PIGQ: variants seen among roughly 807,000 people sequenced by gnomAD.
PIGQ encodes phosphatidylinositol N-acetylglucosaminyltransferase subunit Q.
In PIGQ, 54 loss-of-function variants were observed where a neutral mutation model predicts 60.3. That is an observed-to-expected ratio of 0.90 (90% CI 0.72 to 1.12). The LOEUF (loss-of-function observed/expected upper bound fraction) is 1.12. Among genes scored for constraint, PIGQ ranks in the 50% most tolerant of loss-of-function variants. PIGQ has a pLI of 0.00. For missense variants in PIGQ, 799 were observed against 793.5 expected (o/e 1.01, Z -0.08); for synonymous variants, 416 against 363.7 (o/e 1.14, Z -1.64).
chr16:575,511 C>G (rs1357043801), intron 2 of PIGQ, among the ~76,000 whole-genome samples: 1 of 152,212 alleles, frequency 6.6e-6, no homozygotes, highest in African/African-American at 2.4e-5. Context: ...TTTCTGGGCC[C>G]TGTCGGCGGG....
At position 574,168 on chromosome 16, in the gene PIGQ, G is replaced by C. The variant is rs770988293; in HGVS notation, c.94G>C (p.Val32Leu). ...GGTGCCGGAGCAGAGCAGCGCCGTG[G>C]TCCTGGCGGTCCTGCACTTTCCCTT... ...RWVPEQSSAVVLAVLHFPFIP... is the reference protein window; with the variant it reads ...RWVPEQSSAVLLAVLHFPFIP... Residue 32 changes from valine to leucine, a missense_variant, in exon 2 of 11, where the codon GTC (valine) becomes CTC (leucine). Coordinates refer to ENST00000321878, the MANE Select transcript of PIGQ (RefSeq NM_004204.5). 7.4e-6 allele frequency: 12 copies of C among 1,612,432 alleles called. No individual in the cohort carries two copies. In the South Asian group the frequency reaches 7.7e-5, roughly 10 times the overall value.
chr16:578,706 T>C (rs1208386268), intron 5 of PIGQ, 79 bp from the exon 6 acceptor site: 10 of 1,524,526 alleles, frequency 6.6e-6, no homozygotes, highest in African/African-American at 4.1e-5. Context: ...ACGCACCTCA[T>C]GTCCTGTGTG....
chr16:576,602 C>T lies in PIGQ; in HGVS notation c.942+348C>T, dbSNP rs2035723230. On this transcript the variant is annotated intron_variant, in intron 4 of 10. Transcript: ENST00000321878. ...TGCCCTCCTGGCTCTCTGGGGCCCT[C>T]TGCAGAGCCAGGGTCATGAAACCTT... The T allele has an allele frequency of 6.1e-6, 3 of 489,252 alleles. No individual in the cohort carries two copies. The South Asian group carries it at 1.3e-4, about 21-fold the overall frequency. The allele number at this position is 489,252 out of a possible 1,614,324, so 30.3% of individuals were successfully genotyped here.
intron 1 of PIGQ, among the ~76,000 whole-genome samples, chr16:573,025 C>T (rs555582567): frequency 1.3e-5 from 2 of 152,354 alleles, no homozygotes; most frequent in East Asian, 3.9e-4. Flanking sequence ...GTAGTGCCCC[C>T]ACCGCTAGGG....
At chr16:580,371 C>A in intron 8 of PIGQ, 108 bp downstream of exon 8, 1 of 813,194 alleles carries the variant, frequency 1.2e-6, no homozygotes, top group Non-Finnish European at 2.0e-6. Flanking sequence ...CTGCTGCAGG[C>A]CACGTGGGTG....
In PIGQ at chr16:574,508, C is replaced by T; in HGVS notation, c.434C>T (p.Thr145Ile). 2 of 1,608,018 alleles carry T rather than the reference C, an allele frequency of 1.2e-6. No homozygotes were observed. The highest frequency in any genetic ancestry group is 4.5e-5 in the East Asian group (2 of 44,730). ...QVLLSQLHLP[T>I]VLPDRQAGAT... The stretch of plus-strand genomic sequence containing the variant: ...TTGCTGTCACAGCTACACCTGCCCA[C>T]CGTCCTGCCCGACCGCCAGGCTGGA... The change falls in exon 2 of 11, where the codon ACC (threonine) becomes ATC (isoleucine). Residue 145 changes from threonine to isoleucine, a missense_variant. Physicochemically the swap from Thr to Ile is moderately conservative, Grantham distance 89. Coordinates refer to ENST00000321878, the MANE Select transcript of PIGQ (RefSeq NM_004204.5).
Position 574,620 on chromosome 16 carries a change from T to A in PIGQ, c.546T>A (p.Asp182Glu). 1 of 1,606,892 alleles carries A rather than the reference T, an allele frequency of 6.2e-7. No individual in the cohort carries two copies. The highest frequency in any genetic ancestry group is 8.5e-7 in the Non-Finnish European group (1 of 1,178,006). Residue 182 changes from aspartate to glutamate, a missense_variant, in exon 2 of 11, where the codon GAT becomes GAA. Transcript: ENST00000321878. ...SEVLFRSDRF[D>E]EGPVRLSHWQ... is the part of the protein sequence containing the mutation. ...TGCTCTTCCGCAGTGACCGCTTTGA[T>A]GAGGGCCCCGTGCGGCTGAGCCACT...
chr16:583,807 A>G lies in PIGQ; in HGVS notation c.*772A>G, dbSNP rs1596389416. 1.3e-6 allele frequency: 1 copy of G among 762,204 alleles called. No homozygotes were observed. Among genetic ancestry groups the G allele is most frequent in the East Asian group, 2.7e-5 (1 of 37,314 alleles). The allele number at this position is 762,204 out of a possible 1,614,324, so 47.2% of individuals were successfully genotyped here. On this transcript the variant is annotated 3_prime_UTR_variant, in exon 11 of 11. Transcript: ENST00000321878. ...TCATGGGCCTCCCAGGGAAGGAGGA[A>G]GCCCTGCTGTGCAGACACCTCTGTG...
intron 4 of PIGQ, chr16:578,111 T>G: frequency 5.3e-6 from 2 of 380,410 alleles, no homozygotes; most frequent in East Asian, 5.1e-5. Flanking sequence ...ATGGTAGAGG[T>G]GGGTGCAGGC....
chr16:575,214 G>A (rs1049426749), intron 2 of PIGQ, among the ~76,000 whole-genome samples: 2 of 152,196 alleles, frequency 1.3e-5, no homozygotes, highest in African/African-American at 4.8e-5. Context: ...TGCTGGCCCC[G>A]TGTGCCTGGG....
chr16:580,030 G>T, intron 7 of PIGQ, 153 bp from the exon 8 acceptor site: 1 of 556,572 alleles, frequency 1.8e-6, no homozygotes, highest in Non-Finnish European at 3.2e-6. Context: ...CAGCCCTCCT[G>T]CTACTGGGAC....
At position 584,010 on chromosome 16, in the gene PIGQ, G is replaced by A. The variant is rs1033434486; in HGVS notation, c.*975G>A. The A allele has an allele frequency of 1.1e-5, 4 of 363,576 alleles. No individual in the cohort carries two copies. The highest frequency in any genetic ancestry group is 3.8e-5 in the Admixed American group (1 of 26,526). The allele number at this position is 363,576 out of a possible 1,614,324, so 22.5% of individuals were successfully genotyped here. A position where few individuals can be genotyped will look rare whatever the true frequency, so the allele number is the denominator to read the frequency against. The stretch of plus-strand genomic sequence containing the variant: ...CGCGCTGTGGGTGGGAGGAGGCAGC[G>A]CCCATCTCAGCAGCACCAGGACTGC... On this transcript the variant is annotated 3_prime_UTR_variant, in exon 11 of 11. Coordinates refer to ENST00000321878, the MANE Select transcript of PIGQ (RefSeq NM_004204.5).
intron 4 of PIGQ, 185 bp from the exon 5 acceptor site, chr16:578,194 C>T: frequency 1.7e-6 from 1 of 593,512 alleles, no homozygotes; most frequent in South Asian, 2.2e-5. Context: ...CCAGACCAGC[C>T]TCCTCAGACC....
intron 4 of PIGQ, among the ~76,000 whole-genome samples, chr16:577,410 T>C (rs1567176081): frequency 6.6e-6 from 1 of 151,938 alleles, no homozygotes; most frequent in South Asian, 2.1e-4. Context: ...ATCCCGTCTC[T>C]ACTAAAAATA....
Position 572,047 on chromosome 16 carries a change from A to T in PIGQ, c.-10+1951A>T, listed in dbSNP as rs369087105. ...AGAACATCTGTTTACTGTTAGACCC[A>T]TTGTGTTTCTTTTCCGACGATATCT... On this transcript the variant is annotated intron_variant, in intron 1 of 10. Coordinates refer to ENST00000321878, the MANE Select transcript of PIGQ (RefSeq NM_004204.5). Among the ~76,000 whole-genome samples, 64 of 152,090 alleles carry T rather than the reference A, an allele frequency of 4.2e-4. No homozygotes were observed. The South Asian group carries it at 0.013, about 31-fold the overall frequency.
At chr16:575,379 G>A (rs1375334097) in intron 2 of PIGQ, among the ~76,000 whole-genome samples, 1 of 152,204 alleles carries the variant, frequency 6.6e-6, no homozygotes. Flanking sequence ...TCTGCCTGGC[G>A]GAGGTGCCCC....
chr16:570,671 C>G (rs1301895152), intron 1 of PIGQ: 1 of 152,252 alleles, frequency 6.6e-6, no homozygotes, highest in South Asian at 2.1e-4. Flanking sequence ...TCACCCCCAT[C>G]GAGGCTGGTC....
chr16:580,999 C>A, intron 9 of PIGQ, 27 bp downstream of exon 9: 1 of 1,483,980 alleles, frequency 6.7e-7, no homozygotes, highest in South Asian at 1.1e-5. Context: ...GGGCAGCTGG[C>A]CCTGGGTAGG....
chr16:583,422 C>T lies in PIGQ; in HGVS notation c.*387C>T. Reference sequence around the variant, plus strand: ...GGAGGGCTGGTCTCCCTGGGGGCTCCCCAGTGGCTCTGCCCTGGCTGTGGG... The same window carrying T: ...GGAGGGCTGGTCTCCCTGGGGGCTCTCCAGTGGCTCTGCCCTGGCTGTGGG... On this transcript the variant is annotated 3_prime_UTR_variant, in exon 11 of 11. Transcript: ENST00000321878. 1 of 1,612,768 alleles carries T rather than the reference C, an allele frequency of 6.2e-7. No individual in the cohort carries two copies.
Sources: allele counts gnomAD v4.1 joint callset (sites outside exome capture counted in the v4.1 genomes callset), GRCh38; gene constraint gnomAD v4.1.1; transcripts MANE v1.5; gene names NCBI Gene and HGNC (gene_info 2026-07-23, HGNC 2026-07-21).